The following CTNNA3 variants were observed in gnomAD, a reference collection of about 807,000 sequenced individuals.
CTNNA3 encodes the protein catenin alpha 3.
A neutral mutation model predicts 95.7 loss-of-function variants in CTNNA3; 76 were observed. The observed-to-expected ratio is 0.79, with a 90% confidence interval of 0.66 to 0.96. CTNNA3 has a LOEUF of 0.96. Ranked by LOEUF, CTNNA3 falls within the 40% of genes least tolerant of loss-of-function variation. The pLI is 0.00. For synonymous variants in CTNNA3, 431 were observed against 374.4 expected (o/e 1.15, Z -1.74); for missense variants, 1,191 against 1,089.8 (o/e 1.09, Z -1.31).
intron 12 of CTNNA3, among the ~76,000 whole-genome samples, chr10:66,372,043 C>T (rs2092758458): frequency 6.6e-6 from 1 of 152,102 alleles, no homozygotes. Context: ...TGGAATGGTA[C>T]TTTGAAAAGC....
At chr10:67,353,615 C>T (rs772976806) in intron 5 of CTNNA3, among the ~76,000 whole-genome samples, 1 of 151,850 alleles carries the variant, frequency 6.6e-6, no homozygotes, top group Non-Finnish European at 1.5e-5. Flanking sequence ...AAGATATATA[C>T]ATTAAATGAT....
intron 7 of CTNNA3, among the ~76,000 whole-genome samples, chr10:67,049,816 G>A (rs1233243224): frequency 6.6e-6 from 1 of 152,114 alleles, no homozygotes; most frequent in Non-Finnish European, 1.5e-5. Context: ...ATGTAGGTAT[G>A]TGCATGTGTT....
chr10:66,265,495 A>G (rs1490635847), intron 13 of CTNNA3, among the ~76,000 whole-genome samples: 1 of 152,058 alleles, frequency 6.6e-6, no homozygotes, highest in Non-Finnish European at 1.5e-5. Context: ...ACAGCCTAGC[A>G]TGTATGAAAA....
At position 66,604,640 on chromosome 10, in the gene CTNNA3, A is replaced by T. The variant is rs146556136; in HGVS notation, c.1374+17052T>A. On this transcript the variant is annotated intron_variant, in intron 10 of 17. Transcript: ENST00000433211. Reference sequence around the variant, plus strand: ...AAGAACCAAAGAACACTCTCAGGTCACCATACTACTCCCCCAGAGTTACAG... The same window carrying T: ...AAGAACCAAAGAACACTCTCAGGTCTCCATACTACTCCCCCAGAGTTACAG... Among the ~76,000 whole-genome samples the T allele has an allele frequency of 3.4e-3, 520 of 152,222 alleles. 1 individual carries two copies. The highest frequency in any genetic ancestry group is 5.1e-3 in the Non-Finnish European group (349 of 68,020).
chr10:65,922,999 C>T (rs986330120), intron 17 of CTNNA3, among the ~76,000 whole-genome samples: 33 of 152,206 alleles, frequency 2.2e-4, no homozygotes, highest in African/African-American at 7.0e-4. Flanking sequence ...CTCACTATCA[C>T]GAGAACAGCA....
At chr10:67,573,193 AATGATGGG>A (rs1257286431) in intron 3 of CTNNA3, among the ~76,000 whole-genome samples, 1 of 152,226 alleles carries the variant, frequency 6.6e-6, no homozygotes, top group Non-Finnish European at 1.5e-5. Flanking sequence ...GTGTATAGAC[AATGATGGG>A]ATTAGGATAC....
chr10:66,427,500 T>G (rs2093252918), intron 11 of CTNNA3, among the ~76,000 whole-genome samples: 1 of 152,078 alleles, frequency 6.6e-6, no homozygotes, highest in Non-Finnish European at 1.5e-5. Flanking sequence ...GATTAGTGAT[T>G]AGACAAATGA....
At chr10:66,770,273 C>T (rs940993595) in intron 8 of CTNNA3, among the ~76,000 whole-genome samples, 3 of 152,140 alleles carry the variant, frequency 2.0e-5, no homozygotes, top group African/African-American at 7.2e-5. Context: ...GTCATATATA[C>T]CTACATATAA....
chr10:67,314,557 A>G (rs1840960713), intron 5 of CTNNA3, among the ~76,000 whole-genome samples: 1 of 152,332 alleles, frequency 6.6e-6, no homozygotes, highest in African/African-American at 2.4e-5. Flanking sequence ...TATAAATAAT[A>G]TTCCCCAACC....
intron 11 of CTNNA3, among the ~76,000 whole-genome samples, chr10:66,467,629 C>G (rs373829366): frequency 1.7e-4 from 26 of 152,108 alleles, no homozygotes; most frequent in African/African-American, 6.0e-4. Flanking sequence ...CCTCTGAAAA[C>G]TTTTGTTGTG....
At position 67,721,986 on chromosome 10, in the gene CTNNA3, G is replaced by A. The variant is rs140042343; in HGVS notation, c.-2+41448C>T. 7.3e-3 allele frequency among the ~76,000 whole-genome samples: 1,113 copies of A among 152,186 alleles called. 10 individuals carry two copies. Among genetic ancestry groups the A allele is most frequent in the Non-Finnish European group, 0.013 (901 of 68,004 alleles). ...CTCTGCTTGCCTGGGTATCACCAGC[G>A]GAGGTTCAGTTGGAAATGCAGAAAT... On this transcript the variant is annotated intron_variant, in intron 1 of 17. Coordinates refer to the CTNNA3 transcript ENST00000684154.
At chr10:67,215,596 A>G (rs1172699217) in intron 6 of CTNNA3, among the ~76,000 whole-genome samples, 2 of 152,164 alleles carry the variant, frequency 1.3e-5, no homozygotes, top group East Asian at 3.9e-4. Flanking sequence ...CAAAGTCCAG[A>G]TAAGGACAGG....
chr10:67,210,132 C>T (rs7088987), intron 6 of CTNNA3, among the ~76,000 whole-genome samples: 24,605 of 151,796 alleles, frequency 0.16, 2,679 homozygotes, highest in African/African-American at 0.31. Context: ...ATGGTAAAAC[C>T]CTGTCTCTAC....
At chr10:65,939,082 T>A (rs111613214) in intron 17 of CTNNA3, among the ~76,000 whole-genome samples, 3,353 of 152,010 alleles carry the variant, frequency 0.022, 117 homozygotes, top group African/African-American at 0.077. Flanking sequence ...TTTTTTGTAT[T>A]TTGTAGTAGA....
intron 15 of CTNNA3, among the ~76,000 whole-genome samples, chr10:65,998,573 T>TG (rs2078711630): frequency 6.6e-6 from 1 of 152,144 alleles, no homozygotes; most frequent in African/African-American, 2.4e-5. Flanking sequence ...AAGCAATTGT[T>TG]TTGATGCTTC....
At chr10:66,995,491 T>A (rs1271300515) in intron 7 of CTNNA3, among the ~76,000 whole-genome samples, 1 of 152,222 alleles carries the variant, frequency 6.6e-6, no homozygotes, top group Non-Finnish European at 1.5e-5. Context: ...AAGTGATCTT[T>A]TTAAAACACG....
At position 67,539,395 on chromosome 10, in the gene CTNNA3, T is replaced by G. The variant is rs1034771956; in HGVS notation, c.459+108A>C. ...CTAGTCTGCTTCTGAAGGGGTGATG[T>G]TAAGAAATGAGAGTGAAGCCAAGAT... On this transcript the variant is annotated intron_variant, in intron 4 of 17. Coordinates refer to ENST00000433211, the MANE Select transcript of CTNNA3 (RefSeq NM_013266.4). 3 of 1,192,946 alleles carry G rather than the reference T, an allele frequency of 2.5e-6. No homozygotes were observed. In the African/African-American group the frequency reaches 4.6e-5, roughly 18 times the overall value. 73.9% of individuals were successfully genotyped at this position (1,192,946 alleles called of 1,614,324 possible).
intron 13 of CTNNA3, among the ~76,000 whole-genome samples, chr10:66,230,728 T>A (rs1468218525): frequency 6.6e-6 from 1 of 152,070 alleles, no homozygotes; most frequent in African/African-American, 2.4e-5. Context: ...GGGTCCCTGA[T>A]GGTGATGGAA....
intron 7 of CTNNA3, among the ~76,000 whole-genome samples, chr10:66,900,426 A>T (rs1293374375): frequency 6.6e-6 from 1 of 152,226 alleles, no homozygotes; most frequent in Non-Finnish European, 1.5e-5. Flanking sequence ...AAACCAGAAC[A>T]GAAAAGCAGA....
Sources: gnomAD v4.1 joint callset for allele counts (sites outside exome capture counted in the v4.1 genomes callset) on GRCh38, gnomAD v4.1.1 for gene constraint, MANE v1.5 for transcripts, NCBI Gene and HGNC (gene_info 2026-07-23, HGNC 2026-07-21) for gene names.